PDE1C: variants seen among roughly 807,000 people sequenced by gnomAD.
PDE1C encodes phosphodiesterase 1C.
PDE1C carries 62 observed loss-of-function variants against 93.1 expected under a neutral mutation model. That is an observed-to-expected ratio of 0.67 (90% confidence interval 0.54 to 0.82). The LOEUF (loss-of-function observed/expected upper bound fraction) is 0.82. PDE1C is among the 40% of genes least tolerant of loss of function. The probability of loss-of-function intolerance (pLI) is 0.00; values close to 1 mark genes in which losing one functional copy is unlikely to be tolerated. For synonymous variants in PDE1C, 325 were observed against 310.1 expected (o/e 1.05, Z -0.50); for missense variants, 742 against 884.6 (o/e 0.84, Z 2.04).
chr7:31,768,082 A>C (rs1795251782), intron 17 of PDE1C, among the ~76,000 whole-genome samples: 1 of 152,224 alleles, frequency 6.6e-6, no homozygotes, highest in South Asian at 2.1e-4. Flanking sequence ...GAGCTATAGC[A>C]AGGGTAATTA....
intron 2 of PDE1C, among the ~76,000 whole-genome samples, chr7:31,968,622 A>G (rs1173211494): frequency 6.6e-6 from 1 of 152,196 alleles, no homozygotes; most frequent in East Asian, 1.9e-4. Flanking sequence ...TAAAGTTCAT[A>G]TGGAACCAAA....
intron 3 of PDE1C, among the ~76,000 whole-genome samples, chr7:32,110,570 G>T (rs1798583824): frequency 6.6e-6 from 1 of 152,158 alleles, no homozygotes; most frequent in African/African-American, 2.4e-5. Context: ...CATCCCTCAA[G>T]ATGGTACTTC....
At chr7:32,135,457 C>T (rs1013113579) in intron 3 of PDE1C, among the ~76,000 whole-genome samples, 3 of 152,044 alleles carry the variant, frequency 2.0e-5, no homozygotes, top group African/African-American at 7.2e-5. Context: ...GTTCAAATGG[C>T]AAAGGACCTG....
chr7:31,959,843 T>G (rs934188864), intron 2 of PDE1C, among the ~76,000 whole-genome samples: 3 of 152,094 alleles, frequency 2.0e-5, no homozygotes, highest in African/African-American at 7.2e-5. Context: ...TAGAATGCAC[T>G]AGAAACAATG....
At chr7:32,266,128 A>T (rs958517274) in intron 1 of PDE1C, among the ~76,000 whole-genome samples, 14 of 151,922 alleles carry the variant, frequency 9.2e-5, no homozygotes, top group Admixed American at 3.3e-4. Flanking sequence ...AAAATAAAAA[A>T]AAAATTAGCT....
rs80001510 is a variant in PDE1C, at chr7:31,806,051, C to T, written c.1891+2980G>A. ...AGACATTCATAGACTGTCTTGCCGACCCTTTCCACTCTTCATAACTCACTT... is the reference window on the plus strand; with the variant it reads ...AGACATTCATAGACTGTCTTGCCGATCCTTTCCACTCTTCATAACTCACTT... On this transcript the variant is annotated intron_variant, in intron 16 of 17. Transcript: ENST00000396191. Among the ~76,000 whole-genome samples, 567 of 151,994 alleles carry T rather than the reference C, an allele frequency of 3.7e-3. 4 individuals are homozygous for T. Among genetic ancestry groups the T allele is most frequent in the African/African-American group, 0.013 (542 of 41,508 alleles).
intron 16 of PDE1C, among the ~76,000 whole-genome samples, chr7:31,801,765 C>A (rs998362970): frequency 6.6e-6 from 1 of 151,364 alleles, no homozygotes; most frequent in African/African-American, 2.4e-5. Context: ...TGTCTTTGTT[C>A]TGATATCTAC....
At chr7:32,358,027 C>T (rs1279398765) in intron 1 of PDE1C, among the ~76,000 whole-genome samples, 1 of 151,734 alleles carries the variant, frequency 6.6e-6, no homozygotes, top group African/African-American at 2.4e-5. Context: ...GGCCTGCTGA[C>T]CTTATGCTCT....
At chr7:31,692,816 T>A in the PDE1C span, among the ~76,000 whole-genome samples, 1 of 152,214 alleles carries the variant, frequency 6.6e-6, no homozygotes. Flanking sequence ...AGGCAGAGCA[T>A]TTTTGAGGCA....
intron 1 of PDE1C, among the ~76,000 whole-genome samples, chr7:32,056,898 G>T (rs1794196796): frequency 6.6e-6 from 1 of 152,122 alleles, no homozygotes; most frequent in African/African-American, 2.4e-5. Flanking sequence ...GCTAATCTCA[G>T]TTCTGCTAAG....
chr7:32,110,223 A>C (rs1378809234), intron 3 of PDE1C, among the ~76,000 whole-genome samples: 2 of 152,190 alleles, frequency 1.3e-5, no homozygotes, highest in Non-Finnish European at 2.9e-5. Context: ...TGTATGTCCC[A>C]GAAAGCCTAA....
At chr7:32,016,337 C>G (rs1012623006) in intron 2 of PDE1C, among the ~76,000 whole-genome samples, 24 of 152,222 alleles carry the variant, frequency 1.6e-4, no homozygotes, top group African/African-American at 5.8e-4. Flanking sequence ...ACCTTCCCAG[C>G]TAAGCCCCAG....
intron 2 of PDE1C, among the ~76,000 whole-genome samples, chr7:32,190,491 T>C (rs941653938): frequency 1.3e-5 from 2 of 152,248 alleles, no homozygotes; most frequent in Non-Finnish European, 2.9e-5. Flanking sequence ...CAGGAACTTA[T>C]GACTGATAAA....
chr7:31,948,030 C>G (rs960617682), intron 2 of PDE1C, among the ~76,000 whole-genome samples: 1 of 152,180 alleles, frequency 6.6e-6, no homozygotes, highest in Non-Finnish European at 1.5e-5. Context: ...CCAATTCTAA[C>G]CAGGTCAGCC....
At chr7:32,411,342 T>C (rs1340397677) in intron 1 of PDE1C, among the ~76,000 whole-genome samples, 4 of 152,218 alleles carry the variant, frequency 2.6e-5, no homozygotes, top group Non-Finnish European at 4.4e-5. Context: ...CTAGACAGTA[T>C]AGCCTACTAC....
At chr7:31,639,198 T>C in the PDE1C span, among the ~76,000 whole-genome samples, 1 of 152,204 alleles carries the variant, frequency 6.6e-6, no homozygotes, top group Non-Finnish European at 1.5e-5. Context: ...TCCCTCCTCT[T>C]TGGGATTTTT....
At chr7:31,712,856 G>A in the PDE1C span, among the ~76,000 whole-genome samples, 1 of 152,144 alleles carries the variant, frequency 6.6e-6, no homozygotes, top group Non-Finnish European at 1.5e-5. Flanking sequence ...CAGATCTCAT[G>A]AGACTTATTC....
At chr7:32,362,394 G>A (rs1585125953) in intron 1 of PDE1C, among the ~76,000 whole-genome samples, 1 of 152,216 alleles carries the variant, frequency 6.6e-6, no homozygotes, top group South Asian at 2.1e-4. Flanking sequence ...CTCTGAGTAG[G>A]TCACATCTCA....
intron 3 of PDE1C, among the ~76,000 whole-genome samples, chr7:32,120,111 A>G (rs1357469797): frequency 1.3e-5 from 2 of 152,180 alleles, no homozygotes; most frequent in Non-Finnish European, 2.9e-5. Context: ...CCCACACACC[A>G]GCTGTGTTAG....
Sources: allele counts gnomAD v4.1 joint callset (sites outside exome capture counted in the v4.1 genomes callset), GRCh38; gene constraint gnomAD v4.1.1; transcripts MANE v1.5; gene names NCBI Gene and HGNC (gene_info 2026-07-23, HGNC 2026-07-21).